Variants in RECQL4 observed in about 807,000 individuals in gnomAD.
The protein encoded by RECQL4 is RecQ like helicase 4.
In RECQL4, 158 loss-of-function variants were observed where a neutral mutation model predicts 128.6. The ratio of observed to expected loss-of-function variants is 1.23; its 90% CI spans 1.08 to 1.40. RECQL4 has a LOEUF of 1.40. RECQL4 is among the 40% of genes most tolerant of loss of function. The probability of loss-of-function intolerance (pLI) is 0.00; values close to 1 mark genes in which losing one functional copy is unlikely to be tolerated. For synonymous variants in RECQL4, 996 were observed against 678.9 expected (o/e 1.47, Z -7.26); for missense variants, 2,293 against 1,649.8 (o/e 1.39, Z -6.75).
Position 144,513,110 on chromosome 8 carries a change from T to C in RECQL4, c.2492A>G (p.His831Arg), listed in dbSNP as rs754324912. 7.6e-5 allele frequency: 118 copies of C among 1,562,896 alleles called. 1 individual carries two copies. Among genetic ancestry groups the C allele is most frequent in the Admixed American group, 2.1e-4 (12 of 56,588 alleles). ...QGEDLRELRR[H>R]VHADSTDFLA... ...GAAGTCCGTGCTGTCGGCGTGCACA[T>C]GTCTGCGCAGCTCTCGCAGGTCTTC... The change falls in exon 15 of 21, where the codon CAT (histidine) becomes CGT (arginine). Residue 831 changes from histidine to arginine, a missense_variant. Coordinates refer to ENST00000617875, the MANE Select transcript of RECQL4 (RefSeq NM_004260.4).
In RECQL4 at chr8:144,513,696, A is replaced by G. The variant is rs1564796553; in HGVS notation, c.2075T>C (p.Leu692Pro). 7 of 1,549,692 alleles carry G rather than the reference A, an allele frequency of 4.5e-6. No homozygotes were observed. Among genetic ancestry groups the G allele is most frequent in the East Asian group, 2.4e-5 (1 of 40,892 alleles). Residue 692 changes from leucine (L) to proline (P), a missense_variant, in exon 13 of 21, where the codon CTG becomes CCG. By Grantham distance (98) the Leu-to-Pro change is moderately conservative. Coordinates refer to ENST00000617875, the MANE Select transcript of RECQL4 (RefSeq NM_004260.4). Reference sequence around the variant, plus strand: ...GAGGTTTTGAAAACGTTTGCCTTGCAGCAGCGTCAACAGTGCCTGATGAGG... The same window carrying G: ...GAGGTTTTGAAAACGTTTGCCTTGCGGCAGCGTCAACAGTGCCTGATGAGG... ...RDTDQALLTL[L>P]QGKRFQNLDS...
In RECQL4 at chr8:144,513,679, G is replaced by A. The variant is rs994355873; in HGVS notation, c.2092C>T (p.Gln698Ter). The A allele has an allele frequency of 6.4e-7, 1 of 1,553,542 alleles. No homozygotes were observed. The highest frequency in any genetic ancestry group is 2.4e-5 in the East Asian group (1 of 41,176). ...TAAATGATAATGGAATCGAGGTTTT[G>A]AAAACGTTTGCCTTGCAGCAGCGTC... The part of the protein sequence containing the change: ...LLTLLQGKRF[Q>*]NLDSIIIYCN... Residue 698 changes from glutamine to a stop codon, truncating the protein, a stop_gained, in exon 13 of 21, where the codon CAA becomes TAA. Transcript: ENST00000617875. LOFTEE classifies it high-confidence loss of function.
chr8:144,512,634 G>C lies in RECQL4; in HGVS notation c.2885+8C>G. 6.2e-7 allele frequency: 1 copy of C among 1,612,022 alleles called. No individual in the cohort carries two copies. Among genetic ancestry groups the C allele is most frequent in the Non-Finnish European group, 8.5e-7 (1 of 1,179,488 alleles). On this transcript the variant is annotated splice_region_variant and intron_variant, in intron 16 of 20. Transcript: ENST00000617875. Reference sequence around the variant, plus strand: ...AACCTCGTCTCCAACTGGGCAGGGCGTGCTTACCTGTGGGCCAGGGCCTGG... The same window carrying C: ...AACCTCGTCTCCAACTGGGCAGGGCCTGCTTACCTGTGGGCCAGGGCCTGG...
At chr8:144,515,666 T>C (rs895587029) in intron 6 of RECQL4, 98 bp downstream of exon 6, 6 of 1,510,296 alleles carry the variant, frequency 4.0e-6, no homozygotes, top group African/African-American at 1.4e-5. Context: ...CAGGGGTACC[T>C]GGAAGGCCTG....
rs1248741169 is a variant in RECQL4, at chr8:144,517,038, C to T, written c.354+12G>A. On this transcript the variant is annotated intron_variant, in intron 4 of 20. Transcript: ENST00000617875. ...GGACCTAGCGTGGACTCACTGCCTGCCCACTCCTCACCTGCAGGGTGCCTT... is the reference window on the plus strand; with the variant it reads ...GGACCTAGCGTGGACTCACTGCCTGTCCACTCCTCACCTGCAGGGTGCCTT... The T allele has an allele frequency of 1.0e-5, 16 of 1,606,008 alleles. No homozygotes were observed. The highest frequency in any genetic ancestry group is 1.4e-5 in the Non-Finnish European group (16 of 1,174,694).
chr8:144,512,719 C>T lies in RECQL4; in HGVS notation c.2808G>A (p.Glu936=), dbSNP rs1442521340. 1 of 1,612,358 alleles carries T rather than the reference C, an allele frequency of 6.2e-7. No individual in the cohort carries two copies. The highest frequency in any genetic ancestry group is 8.5e-7 in the Non-Finnish European group (1 of 1,179,828). ...YLELHPHHWL[E]LLATTYTHCR... ...AATGGGTATAGGTGGTCGCCAGCAG[C>T]TCCAGCCAGTGGTGTGGGTGCAGCT... The change falls in exon 16 of 21, where the codon GAG becomes GAA. Residue 936 remains glutamate (E), a synonymous_variant. Transcript: ENST00000617875.
rs1586803374 is a variant in RECQL4, at chr8:144,513,435, C to T, written c.2246G>A (p.Cys749Tyr). The part of the protein sequence containing the change: ...TTAEAYHAGM[C>Y]SRERRRVQRA... ...CTGTACCCGCCGCCGTTCCCGGCTG[C>T]ACATGCCCGCGTGGTAGGCCTCGGC... The change falls in exon 14 of 21, where the codon TGC becomes TAC. Residue 749 changes from cysteine to tyrosine, a missense_variant. Transcript: ENST00000617875. 1.2e-6 allele frequency: 2 copies of T among 1,609,684 alleles called. No individual in the cohort carries two copies. Among genetic ancestry groups the T allele is most frequent in the Non-Finnish European group, 1.7e-6 (2 of 1,179,786 alleles).
At position 144,512,007 on chromosome 8, in the gene RECQL4, C is replaced by T; in HGVS notation, c.3297G>A (p.Arg1099=). Residue 1099 remains arginine (R), a synonymous_variant, in exon 19 of 21, where the codon AGG becomes AGA. Coordinates refer to ENST00000617875, the MANE Select transcript of RECQL4 (RefSeq NM_004260.4). The part of the protein sequence containing the change: ...LEQQDEERST[R]LKDLLGRYFE... Reference sequence around the variant, plus strand: ...AGTAGCGGCCGAGCAGGTCCTTGAGCCTGGTGCTGCGCTCCTCATCCTGCT... The same window carrying T: ...AGTAGCGGCCGAGCAGGTCCTTGAGTCTGGTGCTGCGCTCCTCATCCTGCT... The T allele has an allele frequency of 6.2e-7, 1 of 1,609,422 alleles. No homozygotes were observed. The highest frequency in any genetic ancestry group is 8.5e-7 in the Non-Finnish European group (1 of 1,178,976).
At position 144,513,671 on chromosome 8, in the gene RECQL4, G is replaced by C. The variant is rs775812008; in HGVS notation, c.2100C>G (p.Leu700=). 4 of 1,558,010 alleles carry C rather than the reference G, an allele frequency of 2.6e-6. No homozygotes were observed. In the South Asian group the frequency reaches 4.7e-5, roughly 18 times the overall value. Residue 700 remains leucine, a synonymous_variant, in exon 13 of 21, where the codon CTC becomes CTG. Coordinates refer to ENST00000617875, the MANE Select transcript of RECQL4 (RefSeq NM_004260.4). ...GGTTGCAGTAAATGATAATGGAATC[G>C]AGGTTTTGAAAACGTTTGCCTTGCA... ...TLLQGKRFQN[L]DSIIIYCNRR...
rs571635676 is a variant in RECQL4, at chr8:144,516,761, C to G, written c.358G>C (p.Gly120Arg). The change falls in exon 5 of 21, where the codon GGA becomes CGA. Residue 120 changes from glycine to arginine, a missense_variant. Coordinates refer to ENST00000617875, the MANE Select transcript of RECQL4 (RefSeq NM_004260.4). ...CACGGTCTGCGGCCCAGGGCTGGTC[C>G]GGCCTGGGAGGGGAACAACAGAACA... ...KANLKGTLQA[G>R]PALGRRPWPL... The G allele has an allele frequency of 1.2e-4, 187 of 1,519,814 alleles. No individual in the cohort carries two copies. Among genetic ancestry groups the G allele is most frequent in the Non-Finnish European group, 1.6e-4 (177 of 1,138,050 alleles). 94.1% of individuals were successfully genotyped at this position (1,519,814 alleles called of 1,614,324 possible).
At chr8:144,511,641 C>A in intron 20 of RECQL4, 40 bp downstream of exon 20, 1 of 1,608,174 alleles carries the variant, frequency 6.2e-7, no homozygotes. Context: ...CCCCAGCCCC[C>A]AGCCCCAGCC....
chr8:144,516,190 G>C lies in RECQL4; in HGVS notation c.929C>G (p.Pro310Arg), dbSNP rs368504960. Residue 310 changes from proline (P) to arginine (R), a missense_variant, in exon 5 of 21, where the codon CCC (proline) becomes CGC (arginine). Physicochemically the swap from Pro to Arg is moderately radical, Grantham distance 103. Coordinates refer to ENST00000617875, the MANE Select transcript of RECQL4 (RefSeq NM_004260.4). ...GEPVQAQPPQPCSSPSNPRYH... is the reference protein window; with the variant it reads ...GEPVQAQPPQRCSSPSNPRYH... ...CCTGGGGTTCGATGGGCTGCTGCAG[G>C]GCTGAGGTGGCTGTGCCTGTACAGG... The C allele has an allele frequency of 2.5e-6, 4 of 1,613,314 alleles. No homozygotes were observed. The highest frequency in any genetic ancestry group is 3.4e-6 in the Non-Finnish European group (4 of 1,179,874).
At position 144,514,172 on chromosome 8, in the gene RECQL4, G is replaced by C. The variant is rs1363005037; in HGVS notation, c.1878+17C>G. ...ATCCCGGCCCTGGCCGCCCACCCCA[G>C]TTCACATATGGCTCACCTTGCAGAC... is the stretch of plus-strand genomic sequence containing the variant. On this transcript the variant is annotated intron_variant, in intron 11 of 20. Transcript: ENST00000617875. The C allele has an allele frequency of 6.2e-7, 1 of 1,612,028 alleles. No individual in the cohort carries two copies. Among genetic ancestry groups the C allele is most frequent in the East Asian group, 2.2e-5 (1 of 44,838 alleles).
Position 144,512,886 on chromosome 8 carries a change from T to C in RECQL4, c.2716A>G (p.Ile906Val), listed in dbSNP as rs1261656954. Reference sequence around the variant, plus strand: ...TCCAAAGCCTGTACGGTAAGCTGTATTGGGAGTGCCCGCTCATGGCCCATG... The same window carrying C: ...TCCAAAGCCTGTACGGTAAGCTGTACTGGGAGTGCCCGCTCATGGCCCATG... ...VCMGHERALP[I>V]QLTVQALDMP... Residue 906 changes from isoleucine (I) to valine (V), a missense_variant, in exon 15 of 21, where the codon ATA becomes GTA. Transcript: ENST00000617875. 2 of 1,595,552 alleles carry C rather than the reference T, an allele frequency of 1.3e-6. No individual in the cohort carries two copies. The highest frequency in any genetic ancestry group is 1.1e-5 in the South Asian group (1 of 88,626).
chr8:144,512,415 T>C lies in RECQL4; in HGVS notation c.3032A>G (p.Gln1011Arg), dbSNP rs765732606. Residue 1011 changes from glutamine (Q) to arginine (R), a missense_variant, in exon 17 of 21, where the codon CAG becomes CGG. Transcript: ENST00000617875. The stretch of plus-strand genomic sequence containing the variant: ...ACCTGTCCTGGGCTCGTGGTCCCAC[T>C]GCAGCTGGCAGAGAGCCCGCCGCAC... ...ASVRRALCQL[Q>R]WDHEPRTGVR... 6.2e-7 allele frequency: 1 copy of C among 1,607,906 alleles called. No individual in the cohort carries two copies. The highest frequency in any genetic ancestry group is 2.2e-5 in the East Asian group (1 of 44,760).
At position 144,511,498 on chromosome 8, in the gene RECQL4, T is replaced by G. The variant is rs1586787364; in HGVS notation, c.3560A>C (p.Tyr1187Ser). Residue 1187 changes from tyrosine (Y) to serine (S), a missense_variant, in exon 21 of 21, where the codon TAC (tyrosine) becomes TCC (serine). Physicochemically the swap from Tyr to Ser is moderately radical, Grantham distance 144 (BLOSUM62 -2). Coordinates refer to ENST00000617875, the MANE Select transcript of RECQL4 (RefSeq NM_004260.4). ...CAGGGCATGGAAGCTCAGGTGCAGGTATTTTCTCCAGAAGCGTCGGTCCTG... is the reference window on the plus strand; with the variant it reads ...CAGGGCATGGAAGCTCAGGTGCAGGGATTTTCTCCAGAAGCGTCGGTCCTG... ...YGQDRRFWRKYLHLSFHALVG... is the reference protein window; with the variant it reads ...YGQDRRFWRKSLHLSFHALVG... 1 of 1,612,574 alleles carries G rather than the reference T, an allele frequency of 6.2e-7. No individual in the cohort carries two copies.
Position 144,516,908 on chromosome 8 carries a change from G to A in RECQL4, c.354+142C>T, listed in dbSNP as rs574457713. The A allele has an allele frequency of 1.8e-5, 25 of 1,388,018 alleles. No homozygotes were observed. The East Asian group carries it at 4.7e-4, about 26-fold the overall frequency. The allele number at this position is 1,388,018 out of a possible 1,614,324, so 86.0% of individuals were successfully genotyped here. On this transcript the variant is annotated intron_variant, in intron 4 of 20. Coordinates refer to ENST00000617875, the MANE Select transcript of RECQL4 (RefSeq NM_004260.4). ...ACTAGAAAGGGAGTCAAGGGCGAAG[G>A]CCCCGAGAAGCTCCCTGAAGACTCG...
intron 6 of RECQL4, 74 bp from the exon 7 acceptor site, chr8:144,515,531 C>G (rs1340941466): frequency 4.4e-6 from 7 of 1,601,288 alleles, no homozygotes; most frequent in African/African-American, 4.0e-5. Flanking sequence ...ACCTCTCCTT[C>G]CCCCAAAGGG....
In RECQL4 at chr8:144,514,957, C is replaced by T. The variant is rs1827932871; in HGVS notation, c.1599G>A (p.Leu533=). 1.2e-6 allele frequency: 2 copies of T among 1,611,522 alleles called. No homozygotes were observed. The highest frequency in any genetic ancestry group is 1.3e-5 in the African/African-American group (1 of 74,880). ...SPCLTLVVSP[L]LSLMDDQVSG... ...ACACCTGGTCATCCATGAGTGACAG[C>T]AGGGGAGAGACGACCAACGTGAGGC... The change falls in exon 9 of 21, where the codon CTG becomes CTA. Residue 533 remains leucine (L), a synonymous_variant. Coordinates refer to ENST00000617875, the MANE Select transcript of RECQL4 (RefSeq NM_004260.4).
Sources: gnomAD v4.1 joint callset for allele counts on GRCh38, gnomAD v4.1.1 for gene constraint, MANE v1.5 for transcripts, NCBI Gene and HGNC (gene_info 2026-07-23, HGNC 2026-07-21) for gene names.